The following PTPRN2 variants were observed in gnomAD, a reference collection of about 807,000 sequenced individuals.
PTPRN2 encodes receptor-type tyrosine-protein phosphatase N2.
PTPRN2 carries 74 observed loss-of-function variants against 118.8 expected under a neutral mutation model. That is an observed-to-expected ratio of 0.62 (90% CI 0.52 to 0.76). The LOEUF is 0.76. PTPRN2 is among the 30% of genes least tolerant of loss of function. The pLI is 0.00. For synonymous variants in PTPRN2, 641 were observed against 608.0 expected, an observed-to-expected ratio of 1.05 and a Z score of -0.80; for missense variants, 1,481 against 1,394.4, an observed-to-expected ratio of 1.06 and a Z score of -0.99.
Position 158,275,219 on chromosome 7 carries a change from C to T in PTPRN2, c.277+41600G>A, listed in dbSNP as rs896376765. Among the ~76,000 whole-genome samples, 4 of 152,304 alleles carry T rather than the reference C, an allele frequency of 2.6e-5. 1 individual carries two copies. Among genetic ancestry groups the T allele is most frequent in the African/African-American group, 7.2e-5 (3 of 41,566 alleles). The stretch of plus-strand genomic sequence containing the variant: ...TGTGGGGACAGTGGGGACAGCGCCT[C>T]GGGGCCACAGAGACGTGCTCCCTGG... On this transcript the variant is annotated intron_variant, in intron 3 of 22. Transcript: ENST00000389418.
chr7:157,686,229 G>C (rs1000645714), intron 12 of PTPRN2, among the ~76,000 whole-genome samples: 1 of 152,220 alleles, frequency 6.6e-6, no homozygotes, highest in Non-Finnish European at 1.5e-5. Flanking sequence ...ACCGAAGAAA[G>C]AGGTCTTCCC....
At chr7:158,239,140 C>T (rs1434401340) in intron 3 of PTPRN2, among the ~76,000 whole-genome samples, 2 of 152,206 alleles carry the variant, frequency 1.3e-5, no homozygotes, top group East Asian at 3.9e-4. Context: ...GGACCGAGGG[C>T]CTTCTCTGAG....
At chr7:157,659,184 G>T (rs1262886515) in intron 13 of PTPRN2, among the ~76,000 whole-genome samples, 1 of 151,520 alleles carries the variant, frequency 6.6e-6, no homozygotes, top group Non-Finnish European at 1.5e-5. Flanking sequence ...GACTCATAGC[G>T]AGATACAGGT....
intron 12 of PTPRN2, among the ~76,000 whole-genome samples, chr7:157,751,429 C>A (rs752006896): frequency 1.3e-5 from 2 of 152,188 alleles, no homozygotes; most frequent in Non-Finnish European, 2.9e-5. Context: ...TGTAATTTAG[C>A]ACCCAGGCAT....
At chr7:158,244,218 C>G (rs969184972) in intron 3 of PTPRN2, among the ~76,000 whole-genome samples, 1 of 144,798 alleles carries the variant, frequency 6.9e-6, no homozygotes, top group Non-Finnish European at 1.5e-5. Context: ...GTCCTTCCAG[C>G]TAGCTCCTGC....
intron 2 of PTPRN2, among the ~76,000 whole-genome samples, chr7:158,426,268 A>G (rs374656375): frequency 9.0e-4 from 1 of 1,108 alleles, no homozygotes; most frequent in Non-Finnish European, 1.2e-3. Context: ...CGCGGGGTCC[A>G]AGTGCAGCCT....
rs572906800 is a variant in PTPRN2, at chr7:157,555,114, C to A, written c.2903-6095G>T. Reference sequence around the variant, plus strand: ...CAGGGAGGCAGCCACAGACACCAGGCTCTGCGTGCTCCGCTGGCACCCGAA... The same window carrying A: ...CAGGGAGGCAGCCACAGACACCAGGATCTGCGTGCTCCGCTGGCACCCGAA... On this transcript the variant is annotated intron_variant, in intron 21 of 22. Coordinates refer to ENST00000389418, the MANE Select transcript of PTPRN2 (RefSeq NM_002847.5). Among the ~76,000 whole-genome samples the A allele has an allele frequency of 2.6e-5, 4 of 152,226 alleles. No individual in the cohort carries two copies. The East Asian group carries it at 7.7e-4, about 29-fold the overall frequency.
intron 2 of PTPRN2, among the ~76,000 whole-genome samples, chr7:158,418,519 TCACAGTGTACTA>T (rs1814964066): frequency 2.0e-5 from 3 of 148,800 alleles, no homozygotes; most frequent in Non-Finnish European, 4.5e-5. Context: ...CTGTGTTAAG[TCACAGTGTACTA>T]CATCGAGATG....
intron 21 of PTPRN2, among the ~76,000 whole-genome samples, chr7:157,551,412 G>A (rs1036046706): frequency 1.3e-5 from 2 of 151,990 alleles, no homozygotes; most frequent in African/African-American, 2.4e-5. Context: ...AGAGGCTCAA[G>A]CTAAACACAG....
chr7:158,372,169 G>A (rs574119060), intron 2 of PTPRN2, among the ~76,000 whole-genome samples: 14 of 151,958 alleles, frequency 9.2e-5, no homozygotes, highest in African/African-American at 2.4e-4. Flanking sequence ...TGCCCACCCC[G>A]TGCTGGTCCC....
intron 12 of PTPRN2, among the ~76,000 whole-genome samples, chr7:157,731,206 A>G (rs918499852): frequency 1.3e-5 from 2 of 152,086 alleles, no homozygotes; most frequent in Admixed American, 6.5e-5. Context: ...CCTTGCCCGC[A>G]TATCAGCTGC....
At chr7:158,171,308 C>CATACATACATAT (rs1554571676) in intron 5 of PTPRN2, among the ~76,000 whole-genome samples, 1 of 48,678 alleles carries the variant, frequency 2.1e-5, no homozygotes, top group African/African-American at 9.4e-5. Flanking sequence ...TATATACACA[C>CATACATACATAT]ATATATATAT....
At chr7:157,696,640 T>A (rs1585255658) in intron 12 of PTPRN2, among the ~76,000 whole-genome samples, 1 of 145,348 alleles carries the variant, frequency 6.9e-6, no homozygotes. Context: ...ATACTGGGTC[T>A]TAGTAGAGCC....
At position 157,596,396 on chromosome 7, in the gene PTPRN2, C is replaced by A. The variant is rs1801342468; in HGVS notation, c.2419-1081G>T. Among the ~76,000 whole-genome samples the A allele has an allele frequency of 6.6e-6, 1 of 152,198 alleles. No individual in the cohort carries two copies. Among genetic ancestry groups the A allele is most frequent in the Admixed American group, 6.5e-5 (1 of 15,280 alleles). The stretch of plus-strand genomic sequence containing the variant: ...GAGGGCAGGTGTGGGCTCTCCGGCT[C>A]CCCAGTTTGTCCGAACGCATCTTGC... On this transcript the variant is annotated intron_variant, in intron 16 of 22. Coordinates refer to ENST00000389418, the MANE Select transcript of PTPRN2 (RefSeq NM_002847.5). This position sits in a 1 kb window ranked among gnomAD's most constrained non-coding sequence, Gnocchi z 4.2.
At position 158,152,918 on chromosome 7, in the gene PTPRN2, G is replaced by A. The variant is rs191042144; in HGVS notation, c.910+14013C>T. On this transcript the variant is annotated intron_variant, in intron 6 of 22. Transcript: ENST00000389418. ...GACACCAGCACGCCAGCAGGCCACC[G>A]ACTGATGGGATAAGAGCAGACTGAC... Among the ~76,000 whole-genome samples, 508 of 135,642 alleles carry A rather than the reference G, an allele frequency of 3.7e-3. 27 individuals carry two copies. Among genetic ancestry groups the A allele is most frequent in the Non-Finnish European group, 5.1e-3 (308 of 60,952 alleles). 89.0% of individuals were successfully genotyped at this position (135,642 alleles called of 152,430 possible). A position where few individuals can be genotyped will look rare whatever the true frequency, so the allele number is the denominator to read the frequency against.
intron 12 of PTPRN2, among the ~76,000 whole-genome samples, chr7:157,694,093 C>T (rs1797656108): frequency 6.6e-6 from 1 of 152,258 alleles, no homozygotes; most frequent in South Asian, 2.1e-4. Context: ...AGTGAATACA[C>T]AAATAAATAC....
chr7:157,825,951 G>A (rs182066226), intron 12 of PTPRN2, among the ~76,000 whole-genome samples: 1 of 152,342 alleles, frequency 6.6e-6, no homozygotes, highest in Non-Finnish European at 1.5e-5. Context: ...TGTACACTGA[G>A]TCAAGGCTTT....
At chr7:158,391,308 G>A (rs1411874984) in intron 2 of PTPRN2, among the ~76,000 whole-genome samples, 1 of 152,146 alleles carries the variant, frequency 6.6e-6, no homozygotes, top group Non-Finnish European at 1.5e-5. Flanking sequence ...AAGCCCAGGC[G>A]CCACCCTCCC....
At chr7:158,234,351 C>T (rs544920074) in intron 3 of PTPRN2, among the ~76,000 whole-genome samples, 58 of 149,752 alleles carry the variant, frequency 3.9e-4, no homozygotes, top group Non-Finnish European at 7.6e-4. Flanking sequence ...TATAAATGGC[C>T]AACAGGTACA....
Sources: gnomAD v4.1 joint callset for allele counts (sites outside exome capture counted in the v4.1 genomes callset) on GRCh38, gnomAD v4.1.1 for gene constraint, Gnocchi (gnomAD v3.1) non-coding constraint, MANE v1.5 for transcripts, NCBI Gene and HGNC (gene_info 2026-07-23, HGNC 2026-07-21) for gene names.